The following CNOT6L variants were observed in gnomAD, a reference collection of about 807,000 sequenced individuals.
CNOT6L encodes the protein CCR4-NOT transcription complex subunit 6-like.
Under a neutral mutation model 64.0 loss-of-function variants are expected in CNOT6L, and 7 were observed. The observed-to-expected ratio is 0.11, with a 90% CI of 0.06 to 0.21. The LOEUF is 0.21. Ranked by LOEUF, CNOT6L falls within the 10% of genes least tolerant of loss-of-function variation. CNOT6L has a pLI of 1.00. For missense variants in CNOT6L, 245 were observed against 669.0 expected, an observed-to-expected ratio of 0.37 and a Z score of 6.99; for synonymous variants, 193 against 243.4, an observed-to-expected ratio of 0.79 and a Z score of 1.93.
At chr4:77,784,494 T>C (rs555107908) in intron 1 of CNOT6L, among the ~76,000 whole-genome samples, 1 of 134,384 alleles carries the variant, frequency 7.4e-6, no homozygotes, top group Non-Finnish European at 1.6e-5. Context: ...ATACTGAATA[T>C]AATCTATTTT....
At chr4:77,819,910 C>G (rs1236698534), upstream of CNOT6L, among the ~76,000 whole-genome samples, 1 of 151,288 alleles carries the variant, frequency 6.6e-6, no homozygotes, top group African/African-American at 2.4e-5. Flanking sequence ...CCCAGGCGCG[C>G]AAGAGAGGCC....
intron 4 of CNOT6L, among the ~76,000 whole-genome samples, chr4:77,757,943 G>A (rs747210976): frequency 3.9e-5 from 6 of 152,094 alleles, no homozygotes; most frequent in East Asian, 1.9e-4. Context: ...CAAGTGATCC[G>A]CCCGCCTTGG....
chr4:77,720,655 T>C lies in CNOT6L; in HGVS notation c.1456-12A>G. 6.2e-7 allele frequency: 1 copy of C among 1,612,324 alleles called. No individual in the cohort carries two copies. The highest frequency in any genetic ancestry group is 8.5e-7 in the Non-Finnish European group (1 of 1,178,964). ...TAGTCAATCACGCCCTGGAAAGAGA[T>C]TGGGAATAGGAAAAAAAGAAAAATT... On this transcript the variant is annotated splice_polypyrimidine_tract_variant and intron_variant, in intron 11 of 11. Transcript: ENST00000504123.
chr4:77,747,817 C>T (rs1724378273), intron 6 of CNOT6L, among the ~76,000 whole-genome samples: 1 of 152,106 alleles, frequency 6.6e-6, no homozygotes, highest in Non-Finnish European at 1.5e-5. Context: ...TGGTATTATA[C>T]TTTGTTGCCA....
rs142888128 is a variant in CNOT6L at position 77,743,586 on chromosome 4, C to CTTTTTTT, written c.717+1125_717+1131dup. ...GAATGTGTGAAATTGTAACACACAA[C>CTTTTTTT]TTTTTTTTTTTTTTTTTTTTTTTTT... is the stretch of plus-strand genomic sequence containing the variant. On this transcript the variant is annotated intron_variant, in intron 7 of 11. Transcript: ENST00000504123. 2.5e-4 allele frequency among the ~76,000 whole-genome samples: 18 copies of CTTTTTTT among 70,884 alleles called. 1 individual carries two copies. The highest frequency in any genetic ancestry group is 8.2e-4 in the African/African-American group (12 of 14,634). 46.5% of individuals were successfully genotyped at this position (70,884 alleles called of 152,430 possible). A position where few individuals can be genotyped will look rare whatever the true frequency, so the allele number is the denominator to read the frequency against.
Position 77,818,244 on chromosome 4 carries a change from T to C in CNOT6L, c.5+1060A>G, listed in dbSNP as rs118114195. Among the ~76,000 whole-genome samples the C allele has an allele frequency of 1.3e-3, 193 of 152,326 alleles. 1 individual carries two copies. In the East Asian group the frequency reaches 0.032, roughly 25 times the overall value. ...ATCCACCTAAACAGTCTAAGCTCAA[T>C]AGCCGACCGAGTTAAGCAGGATGAC... On this transcript the variant is annotated intron_variant, in intron 1 of 11. Coordinates refer to ENST00000504123, the MANE Select transcript of CNOT6L (RefSeq NM_144571.3).
chr4:77,801,690 T>TG (rs67321338), intron 1 of CNOT6L, among the ~76,000 whole-genome samples: 3,080 of 52,000 alleles, frequency 0.059, 556 homozygotes, highest in African/African-American at 0.17. Flanking sequence ...AGATAAAAAT[T>TG]GGGGGGGGGG....
At chr4:77,750,621 G>A (rs2109975348) in intron 5 of CNOT6L, among the ~76,000 whole-genome samples, 1 of 152,284 alleles carries the variant, frequency 6.6e-6, no homozygotes, top group Admixed American at 6.5e-5. Flanking sequence ...CCAAAGTGCT[G>A]GGATTACAGG....
At chr4:77,765,560 C>T (rs894272164) in intron 4 of CNOT6L, among the ~76,000 whole-genome samples, 5 of 152,172 alleles carry the variant, frequency 3.3e-5, no homozygotes, top group African/African-American at 1.2e-4. Flanking sequence ...GAATTTTCCC[C>T]ACTGCTTCTA....
At chr4:77,802,928 G>A (rs982165489) in intron 1 of CNOT6L, among the ~76,000 whole-genome samples, 2 of 152,098 alleles carry the variant, frequency 1.3e-5, no homozygotes, top group African/African-American at 4.8e-5. Context: ...ATCTTGGGGT[G>A]CAGAAAACTT....
intron 1 of CNOT6L, among the ~76,000 whole-genome samples, chr4:77,784,518 G>C (rs1729225060): frequency 7.8e-6 from 1 of 128,944 alleles, no homozygotes; most frequent in Non-Finnish European, 1.7e-5. Context: ...TTTTTTTTGA[G>C]ACTAGGTCTC....
intron 2 of CNOT6L, among the ~76,000 whole-genome samples, chr4:77,775,376 T>C (rs1271123569): frequency 6.6e-6 from 1 of 152,220 alleles, no homozygotes; most frequent in Non-Finnish European, 1.5e-5. Context: ...TAATCTGTAT[T>C]ATACCAATTC....
At chr4:77,746,653 TTTC>T (rs1380961252) in intron 6 of CNOT6L, among the ~76,000 whole-genome samples, 3 of 152,220 alleles carry the variant, frequency 2.0e-5, no homozygotes, top group African/African-American at 4.8e-5. Context: ...TAGAAAATCT[TTTC>T]TTCAAGATTA....
In CNOT6L at chr4:77,784,447, T is replaced by G. The variant is rs185534018; in HGVS notation, c.6-8055A>C. 1.1e-3 allele frequency among the ~76,000 whole-genome samples: 160 copies of G among 152,246 alleles called. 1 individual carries two copies. The highest frequency in any genetic ancestry group is 4.1e-4 in the Non-Finnish European group (28 of 68,018). ...TCTCCACCTAACAATTACAATGCTT[T>G]AATGCCTTGCATTTAATGCCTCCTA... On this transcript the variant is annotated intron_variant, in intron 1 of 11. Transcript: ENST00000504123.
intron 5 of CNOT6L, among the ~76,000 whole-genome samples, chr4:77,753,185 C>A: frequency 1.5e-5 from 2 of 134,922 alleles, no homozygotes; most frequent in African/African-American, 2.6e-5. Flanking sequence ...TTAAAACTTC[C>A]TACCAGAAAA....
At chr4:77,779,112 A>C (rs1228039635) in intron 1 of CNOT6L, among the ~76,000 whole-genome samples, 2 of 151,130 alleles carry the variant, frequency 1.3e-5, no homozygotes, top group African/African-American at 4.8e-5. Context: ...AAGGCAATTT[A>C]ATCTGTTTTA....
upstream of CNOT6L, chr4:77,819,401 C>T: frequency 6.2e-6 from 10 of 1,605,768 alleles, no homozygotes; most frequent in African/African-American, 9.4e-5. Flanking sequence ...ACCAGGCCCC[C>T]ACAGATGCTT....
At chr4:77,794,284 C>T (rs1161593965) in intron 1 of CNOT6L, among the ~76,000 whole-genome samples, 2 of 151,406 alleles carry the variant, frequency 1.3e-5, no homozygotes, top group Non-Finnish European at 2.9e-5. Flanking sequence ...TAAACTCTTC[C>T]ATAAAGTTGA....
chr4:77,760,557 G>A (rs1726083828), intron 4 of CNOT6L, among the ~76,000 whole-genome samples: 1 of 149,884 alleles, frequency 6.7e-6, no homozygotes, highest in African/African-American at 2.5e-5. Flanking sequence ...GAAGAAATAA[G>A]AGCAGAAATC....
Sources: allele counts gnomAD v4.1 joint callset (sites outside exome capture counted in the v4.1 genomes callset), GRCh38; gene constraint gnomAD v4.1.1; transcripts MANE v1.5; gene names NCBI Gene and HGNC (gene_info 2026-07-23, HGNC 2026-07-21).